CSMD1: variants seen among roughly 807,000 people sequenced by gnomAD.
CSMD1 encodes CUB and sushi domain-containing protein 1.
Under a neutral mutation model 417.5 loss-of-function variants are expected in CSMD1, and 213 were observed. The observed-to-expected ratio is 0.51, with a 90% confidence interval of 0.46 to 0.57. The LOEUF (loss-of-function observed/expected upper bound fraction) is 0.57, where lower values mean the gene tolerates loss of function less well. Among genes scored for constraint, CSMD1 ranks in the 20% least tolerant of loss-of-function variants. CSMD1 has a pLI of 0.00. For missense variants in CSMD1, 6,923 were observed against 4,529.7 expected (o/e 1.53, Z -15.17); for synonymous variants, 2,862 against 1,736.8 (o/e 1.65, Z -16.11).
At chr8:4,313,791 G>A (rs150207499) in intron 3 of CSMD1, among the ~76,000 whole-genome samples, 26 of 152,040 alleles carry the variant, frequency 1.7e-4, no homozygotes, top group Non-Finnish European at 2.9e-4. Context: ...CAAGGCAGGC[G>A]GATCAAAAGG....
intron 18 of CSMD1, among the ~76,000 whole-genome samples, chr8:3,380,710 T>A (rs10089395): frequency 6.6e-6 from 1 of 151,946 alleles, no homozygotes; most frequent in Non-Finnish European, 1.5e-5. Context: ...GGACACAGGC[T>A]GGGGAAACAT....
chr8:4,539,290 T>A (rs1378613621), intron 2 of CSMD1, among the ~76,000 whole-genome samples: 1 of 152,212 alleles, frequency 6.6e-6, no homozygotes, highest in Non-Finnish European at 1.5e-5. Context: ...TATGCATATG[T>A]GGGATGTAAA....
chr8:3,837,674 T>C (rs1177900435), intron 5 of CSMD1, among the ~76,000 whole-genome samples: 2 of 152,164 alleles, frequency 1.3e-5, no homozygotes, highest in Non-Finnish European at 2.9e-5. Context: ...GGCACAGGGA[T>C]GTCTGCTCTT....
At chr8:4,482,559 T>C (rs1325042278) in intron 2 of CSMD1, among the ~76,000 whole-genome samples, 2 of 152,232 alleles carry the variant, frequency 1.3e-5, no homozygotes, top group East Asian at 1.9e-4. Flanking sequence ...TGAACACACA[T>C]GTGCACGTGT....
intron 1 of CSMD1, among the ~76,000 whole-genome samples, chr8:4,912,190 T>C (rs1172174864): frequency 7.6e-6 from 1 of 132,020 alleles, no homozygotes; most frequent in East Asian, 2.1e-4. Flanking sequence ...ATGCATAAAA[T>C]TAGAAAAGTC....
At chr8:3,201,247 C>T (rs1563137227) in intron 32 of CSMD1, among the ~76,000 whole-genome samples, 2 of 152,138 alleles carry the variant, frequency 1.3e-5, no homozygotes, top group Admixed American at 1.3e-4. Flanking sequence ...GCTTAGAATG[C>T]TTTAGACCGA....
intron 3 of CSMD1, among the ~76,000 whole-genome samples, chr8:4,295,135 TATATAATCTTAAGATTACGCAC>T: frequency 6.9e-6 from 1 of 144,734 alleles, no homozygotes; most frequent in Non-Finnish European, 1.5e-5. Flanking sequence ...ATCTTAAGAT[TATATAATCTTAAGATTACGCAC>T]ATATAATCTT....
intron 49 of CSMD1, among the ~76,000 whole-genome samples, chr8:3,065,706 TGATA>T (rs1271730254): frequency 2.0e-5 from 3 of 152,130 alleles, no homozygotes; most frequent in Non-Finnish European, 2.9e-5. Flanking sequence ...GAAAGAAAGA[TGATA>T]GATAGGAGAT....
chr8:4,459,710 C>T (rs1388656815), intron 2 of CSMD1, among the ~76,000 whole-genome samples: 1 of 152,158 alleles, frequency 6.6e-6, no homozygotes, highest in East Asian at 1.9e-4. Flanking sequence ...AGAGCAAGTT[C>T]AGAAATAATG....
intron 28 of CSMD1, among the ~76,000 whole-genome samples, chr8:3,220,772 A>C (rs1328179007): frequency 6.6e-6 from 1 of 152,166 alleles, no homozygotes; most frequent in Admixed American, 6.5e-5. Context: ...CGGAGGTTGC[A>C]GTGAGTCAAG....
At chr8:3,388,575 G>A (rs1479730693) in intron 17 of CSMD1, among the ~76,000 whole-genome samples, 2 of 152,142 alleles carry the variant, frequency 1.3e-5, no homozygotes, top group Non-Finnish European at 2.9e-5. Context: ...GTCTCTAAAG[G>A]TGATCTTCGG....
At chr8:4,494,657 C>T (rs1801890143) in intron 2 of CSMD1, among the ~76,000 whole-genome samples, 3 of 152,002 alleles carry the variant, frequency 2.0e-5, no homozygotes, top group Admixed American at 2.0e-4. Context: ...TGTTACTTGG[C>T]ATCTTCATCA....
intron 2 of CSMD1, among the ~76,000 whole-genome samples, chr8:4,616,528 T>G (rs1221812024): frequency 6.6e-6 from 1 of 152,212 alleles, no homozygotes; most frequent in African/African-American, 2.4e-5. Context: ...AAAGACTTTC[T>G]CATTCTCTCA....
intron 5 of CSMD1, among the ~76,000 whole-genome samples, chr8:3,879,413 T>C (rs1806055434): frequency 6.6e-6 from 1 of 152,116 alleles, no homozygotes; most frequent in African/African-American, 2.4e-5. Context: ...CCAATTAATC[T>C]GGAGGAAATG....
At chr8:3,880,864 C>G (rs2129120628) in intron 5 of CSMD1, among the ~76,000 whole-genome samples, 1 of 152,178 alleles carries the variant, frequency 6.6e-6, no homozygotes, top group Non-Finnish European at 1.5e-5. Context: ...TTTTCTAATA[C>G]AAATTTTTCT....
chr8:3,304,087 C>A (rs1804624167), intron 25 of CSMD1, among the ~76,000 whole-genome samples: 2 of 152,016 alleles, frequency 1.3e-5, no homozygotes, highest in African/African-American at 4.8e-5. Flanking sequence ...TGAAACCAGC[C>A]TTTTCATATT....
At chr8:3,800,820 C>A (rs1422521729) in intron 5 of CSMD1, among the ~76,000 whole-genome samples, 2 of 152,078 alleles carry the variant, frequency 1.3e-5, no homozygotes, top group Non-Finnish European at 2.9e-5. Flanking sequence ...TCCCCTTTGA[C>A]CTTCTTCATC....
Position 4,801,856 on chromosome 8 carries a change from A to G in CSMD1, c.86-164298T>C, listed in dbSNP as rs557094316. Among the ~76,000 whole-genome samples the G allele has an allele frequency of 1.2e-4, 18 of 152,342 alleles. No homozygotes were observed. In the South Asian group the frequency reaches 3.5e-3, roughly 30 times the overall value. ...AAGGATAGAATTATTGTTTCAGACT[A>G]CTGAGACTTGGCAAGCCCAATGTAT... On this transcript the variant is annotated intron_variant, in intron 1 of 69. Transcript: ENST00000635120.
intron 3 of CSMD1, among the ~76,000 whole-genome samples, chr8:4,245,763 A>C (rs1411931382): frequency 6.6e-6 from 1 of 152,020 alleles, no homozygotes; most frequent in African/African-American, 2.4e-5. Flanking sequence ...GTATCACCCA[A>C]CTCTGTTTTC....
Sources: allele counts gnomAD v4.1 joint callset (sites outside exome capture counted in the v4.1 genomes callset), GRCh38; gene constraint gnomAD v4.1.1; transcripts MANE v1.5; gene names NCBI Gene and HGNC (gene_info 2026-07-23, HGNC 2026-07-21).